Variants in SAMSN1 observed in about 807,000 individuals in gnomAD.
SAMSN1 encodes SAM domain, SH3 domain and nuclear localization signals 1, also known as SAM domain-containing protein SAMSN-1.
A neutral mutation model predicts 42.0 loss-of-function variants in SAMSN1; 31 were observed. The ratio of observed to expected loss-of-function variants is 0.74; its 90% CI spans 0.55 to 1.00. The LOEUF (loss-of-function observed/expected upper bound fraction) is 1.00. SAMSN1 is among the 50% of genes least tolerant of loss of function. SAMSN1 has a pLI of 0.00. For missense variants in SAMSN1, 464 were observed against 439.4 expected (o/e 1.06, Z -0.50); for synonymous variants, 178 against 151.9 (o/e 1.17, Z -1.26).
Position 14,486,133 on chromosome 21 carries a change from G to C in SAMSN1, c.920-19C>G. On this transcript the variant is annotated intron_variant, in intron 7 of 7. Transcript: ENST00000400566. Reference sequence around the variant, plus strand: ...TGAATAACTGTAAATGGAAAAAAAGGGCAGGAGTTAGGTAAAGCAACACAA... The same window carrying C: ...TGAATAACTGTAAATGGAAAAAAAGCGCAGGAGTTAGGTAAAGCAACACAA... The C allele has an allele frequency of 6.3e-7, 1 of 1,582,488 alleles. No homozygotes were observed. The highest frequency in any genetic ancestry group is 1.3e-5 in the African/African-American group (1 of 74,304).
At chr21:14,561,007 A>G (rs1156571340) in intron 2 of SAMSN1, among the ~76,000 whole-genome samples, 1 of 152,200 alleles carries the variant, frequency 6.6e-6, no homozygotes, top group Non-Finnish European at 1.5e-5. Context: ...TTGAACACTG[A>G]TAAGATAGAC....
At chr21:14,497,874 C>A (rs1986976669) in intron 7 of SAMSN1, among the ~76,000 whole-genome samples, 1 of 152,140 alleles carries the variant, frequency 6.6e-6, no homozygotes, top group Non-Finnish European at 1.5e-5. Context: ...CTGTAAATCT[C>A]CAAGATTATT....
intron 1 of SAMSN1, among the ~76,000 whole-genome samples, chr21:14,652,057 T>C (rs573686466): frequency 5.3e-5 from 8 of 150,154 alleles, no homozygotes; most frequent in African/African-American, 9.7e-5. Flanking sequence ...CACAGATTTA[T>C]TGAAAAATAA....
chr21:14,522,684 T>C (rs191124862), intron 1 of SAMSN1, among the ~76,000 whole-genome samples: 1 of 152,286 alleles, frequency 6.6e-6, no homozygotes, highest in African/African-American at 2.4e-5. Context: ...TCATCAAATT[T>C]CTAAATAAAG....
intron 2 of SAMSN1, among the ~76,000 whole-genome samples, chr21:14,618,695 C>T (rs1226643432): frequency 4.8e-4 from 52 of 107,498 alleles, no homozygotes; most frequent in Non-Finnish European, 6.9e-4. Flanking sequence ...TGTGTGTGCG[C>T]GCGCGCGCAC....
chr21:14,596,763 C>T (rs1161619314), intron 6 of SAMSN1, among the ~76,000 whole-genome samples: 1 of 152,096 alleles, frequency 6.6e-6, no homozygotes, highest in African/African-American at 2.4e-5. Context: ...GAGTTAGAAA[C>T]AAACCTTTCA....
chr21:14,615,635 T>C (rs1982815006), intron 3 of SAMSN1, among the ~76,000 whole-genome samples: 2 of 152,190 alleles, frequency 1.3e-5, no homozygotes, highest in South Asian at 4.1e-4. Context: ...CACATTTTTA[T>C]GTGGATTAGA....
At chr21:14,506,864 A>G (rs1385877601) in intron 5 of SAMSN1, among the ~76,000 whole-genome samples, 1 of 152,180 alleles carries the variant, frequency 6.6e-6, no homozygotes, top group Admixed American at 6.5e-5. Context: ...TGGGTTTAAT[A>G]CCAGGGATGC....
chr21:14,583,408 T>C (rs1490357569), upstream of SAMSN1: 6 of 432,274 alleles, frequency 1.4e-5, no homozygotes, highest in Non-Finnish European at 2.5e-5. Flanking sequence ...CTTCCTCCAT[T>C]GCTCTCTCTC....
rs147346906 is a variant in SAMSN1, at chr21:14,614,357, T to G, written c.198-1444A>C. Among the ~76,000 whole-genome samples, 782 of 152,286 alleles carry G rather than the reference T, an allele frequency of 5.1e-3. 8 individuals carry two copies. Among genetic ancestry groups the G allele is most frequent in the African/African-American group, 0.017 (713 of 41,568 alleles). On this transcript the variant is annotated intron_variant, in intron 3 of 15. Transcript: ENST00000647101. ...TGATCCTTGTTTAAGTTTGGTGATA[T>G]GAGTTTATCATTAACTCTTCCCCTA...
intron 2 of SAMSN1, among the ~76,000 whole-genome samples, chr21:14,576,730 T>C (rs188769785): frequency 3.0e-4 from 45 of 152,330 alleles, no homozygotes; most frequent in African/African-American, 1.0e-3. Flanking sequence ...TTGCCTTAGA[T>C]ACCTTTAAGT....
intron 5 of SAMSN1, among the ~76,000 whole-genome samples, chr21:14,606,103 G>A (rs1467366464): frequency 2.0e-5 from 3 of 152,136 alleles, no homozygotes; most frequent in African/African-American, 7.2e-5. Context: ...GCTGCCCAAA[G>A]TGCTGGGATT....
intron 1 of SAMSN1, among the ~76,000 whole-genome samples, chr21:14,528,067 G>A (rs1275452312): frequency 6.6e-6 from 1 of 152,044 alleles, no homozygotes; most frequent in Admixed American, 6.5e-5. Flanking sequence ...CAGGTAGAAA[G>A]CATAAGATGG....
intron 1 of SAMSN1, among the ~76,000 whole-genome samples, chr21:14,541,145 G>A (rs571805638): frequency 1.4e-5 from 2 of 138,206 alleles, no homozygotes; most frequent in South Asian, 2.7e-4. Flanking sequence ...GTTGGGGGAG[G>A]GGGGAGGGAT....
chr21:14,643,125 A>G lies in SAMSN1; in HGVS notation c.33T>C (p.Ser11=), dbSNP rs1188372233. Residue 11 remains serine, a synonymous_variant, in exon 2 of 16, where the codon TCT becomes TCC. Transcript: ENST00000647101. ...GGATTGGCTCATATAAGCTATCCAT[A>G]GAGCCCTCCTGCAATACAGAGATTT... 3 of 717,202 alleles carry G rather than the reference A, an allele frequency of 4.2e-6. No individual in the cohort carries two copies. The East Asian group carries it at 8.1e-5, about 19-fold the overall frequency. 44.4% of individuals were successfully genotyped at this position (717,202 alleles called of 1,614,324 possible). A position where few individuals can be genotyped will look rare whatever the true frequency, so the allele number is the denominator to read the frequency against.
intron 6 of SAMSN1, among the ~76,000 whole-genome samples, chr21:14,498,840 C>G (rs1465960138): frequency 6.6e-6 from 1 of 152,154 alleles, no homozygotes; most frequent in Non-Finnish European, 1.5e-5. Context: ...CTATACAATT[C>G]CAAATCATGG....
At chr21:14,636,049 G>A (rs1453715688) in intron 2 of SAMSN1, among the ~76,000 whole-genome samples, 2 of 152,060 alleles carry the variant, frequency 1.3e-5, no homozygotes, top group Non-Finnish European at 2.9e-5. Flanking sequence ...CTATGAGTGA[G>A]AACATGCAGT....
At chr21:14,639,823 T>C (rs458950) in intron 2 of SAMSN1, among the ~76,000 whole-genome samples, 119,861 of 152,050 alleles carry the variant, frequency 0.79, 47,457 homozygotes, top group Middle Eastern at 0.89. Context: ...TGTCCTCCAA[T>C]ACTTTATGCC....
intron 2 of SAMSN1, among the ~76,000 whole-genome samples, chr21:14,552,468 A>G (rs1980631736): frequency 6.6e-6 from 1 of 152,034 alleles, no homozygotes. Flanking sequence ...TGCCCTTATA[A>G]AAGAGGCTAG....
Sources: allele counts gnomAD v4.1 joint callset (sites outside exome capture counted in the v4.1 genomes callset), GRCh38; gene constraint gnomAD v4.1.1; transcripts MANE v1.5; gene names NCBI Gene and HGNC (gene_info 2026-07-23, HGNC 2026-07-21).